The following EMC1 variants were observed in gnomAD, a reference collection of about 807,000 sequenced individuals.
EMC1 encodes ER membrane protein complex subunit 1, also known as KIAA0090.
Under a neutral mutation model 128.8 loss-of-function variants are expected in EMC1, and 103 were observed. The ratio of observed to expected loss-of-function variants is 0.80; its 90% CI spans 0.68 to 0.94. The LOEUF is 0.94. Ranked by LOEUF, EMC1 falls within the 40% of genes least tolerant of loss-of-function variation. The pLI is 0.00. For missense variants in EMC1, 1,083 were observed against 1,250.6 expected (o/e 0.87, Z 2.02); for synonymous variants, 442 against 490.4 (o/e 0.90, Z 1.30).
chr1:19,251,115 A>G, intron 1 of EMC1, among the ~76,000 whole-genome samples: 1 of 152,068 alleles, frequency 6.6e-6, no homozygotes, highest in East Asian at 1.9e-4. Flanking sequence ...AAAAAATCGA[A>G]CCTGACGAGG....
intron 16 of EMC1, 46 bp from the exon 17 acceptor site, chr1:19,231,009 C>T: frequency 6.2e-7 from 1 of 1,609,058 alleles, no homozygotes; most frequent in East Asian, 2.2e-5. Flanking sequence ...GAAATTTCCC[C>T]ATCAAAGAGA....
Position 19,219,598 on chromosome 1 carries a change from C to CTG in EMC1, c.2771_2772dup (p.Ala925GlnfsTer33). The CTG allele has an allele frequency of 1.9e-6, 3 of 1,614,124 alleles. No homozygotes were observed. On this transcript the variant is annotated frameshift_variant, in exon 22 of 23. Transcript: ENST00000477853. LOFTEE classifies it high-confidence loss of function. Reference sequence around the variant, plus strand: ...CAAGTGGACTCCAGACCCGAGGGAGCTGTGTAGATACCTCGCATTCGAGAA... The same window carrying CTG: ...CAAGTGGACTCCAGACCCGAGGGAGCTGTGTGTAGATACCTCGCATTCGAGAA...
chr1:19,243,551 T>C (rs2093617597), intron 4 of EMC1, 63 bp downstream of exon 4: 27 of 1,442,926 alleles, frequency 1.9e-5, no homozygotes, highest in Non-Finnish European at 2.6e-5. Flanking sequence ...TTGCTGTCTA[T>C]GCAGATCTGT....
intron 17 of EMC1, 138 bp downstream of exon 17, chr1:19,230,706 T>C: frequency 8.6e-7 from 1 of 1,166,618 alleles, no homozygotes; most frequent in South Asian, 1.5e-5. Flanking sequence ...AACAAATGAT[T>C]GACTTTGTAT....
intron 1 of EMC1, among the ~76,000 whole-genome samples, chr1:19,250,574 AGAG>A (rs1271690650): frequency 6.6e-6 from 1 of 152,246 alleles, no homozygotes; most frequent in Non-Finnish European, 1.5e-5. Flanking sequence ...AAAATACTTC[AGAG>A]GAGGAGAAAT....
Position 19,240,387 on chromosome 1 carries a change from C to G in EMC1, c.696G>C (p.Glu232Asp), listed in dbSNP as rs12084825. 9.3e-6 allele frequency: 15 copies of G among 1,614,126 alleles called. No individual in the cohort carries two copies. Among genetic ancestry groups the G allele is most frequent in the Non-Finnish European group, 1.3e-5 (15 of 1,180,010 alleles). ...TCGGGTCAGGACACACCAGGACAGCCTCATCCACCACACCACAGGCTCCAG... is the reference window on the plus strand; with the variant it reads ...TCGGGTCAGGACACACCAGGACAGCGTCATCCACCACACCACAGGCTCCAG... ...HLSGACGVVD[E>D]AVLVCPDPSS... is the part of the protein sequence containing the mutation. The change falls in exon 7 of 23, where the codon GAG becomes GAC. Residue 232 changes from glutamate to aspartate, a missense_variant. By Grantham distance (45) the Glu-to-Asp change is conservative. Transcript: ENST00000477853.
In EMC1 at chr1:19,218,859, G is replaced by T. The variant is rs1156316178; in HGVS notation, c.*444C>A. 1.2e-5 allele frequency: 2 copies of T among 170,356 alleles called. No homozygotes were observed. The highest frequency in any genetic ancestry group is 4.8e-5 in the African/African-American group (2 of 41,548). 10.6% of individuals were successfully genotyped at this position (170,356 alleles called of 1,614,324 possible). On this transcript the variant is annotated 3_prime_UTR_variant, in exon 23 of 23. Coordinates refer to ENST00000477853, the MANE Select transcript of EMC1 (RefSeq NM_015047.3). ...CTATAAGGTGGAGTCGGCAAGGAGAGTTCCCCTCTTACTTTGAAGCAAGAG... is the reference window on the plus strand; with the variant it reads ...CTATAAGGTGGAGTCGGCAAGGAGATTTCCCCTCTTACTTTGAAGCAAGAG...
chr1:19,225,497 T>G (rs2093465967), intron 18 of EMC1, among the ~76,000 whole-genome samples: 1 of 151,834 alleles, frequency 6.6e-6, no homozygotes, highest in South Asian at 2.1e-4. Context: ...AAATACAAAA[T>G]TTAGCTGGGC....
intron 10 of EMC1, 74 bp from the exon 11 acceptor site, chr1:19,238,213 T>C (rs1011612993): frequency 1.2e-4 from 186 of 1,566,812 alleles, no homozygotes; most frequent in South Asian, 4.7e-4. Flanking sequence ...AGTCCAAGGA[T>C]TGGGGGCAAA....
At chr1:19,237,972 C>T in intron 11 of EMC1, 45 bp downstream of exon 11, 1 of 1,601,550 alleles carries the variant, frequency 6.2e-7, no homozygotes, top group Non-Finnish European at 8.5e-7. Flanking sequence ...AAGCCATGTG[C>T]TGAGAAGCCC....
chr1:19,220,753 G>A lies in EMC1; in HGVS notation c.2672+11C>T, dbSNP rs1206019784. The A allele has an allele frequency of 1.2e-6, 2 of 1,608,724 alleles. No individual in the cohort carries two copies. Among genetic ancestry groups the A allele is most frequent in the Non-Finnish European group, 1.7e-6 (2 of 1,176,406 alleles). ...GGTCAGAGCCTTCAGCACTGCCCAT[G>A]AGGGTCTCACCTGCTTTGTTCTGTT... On this transcript the variant is annotated intron_variant, in intron 21 of 22. Transcript: ENST00000477853.
At chr1:19,222,477 C>T in intron 20 of EMC1, 147 bp downstream of exon 20, 2 of 670,328 alleles carry the variant, frequency 3.0e-6, no homozygotes, top group Non-Finnish European at 5.1e-6. Context: ...AACTAAGAAA[C>T]TTTTTCCACC....
In EMC1 at chr1:19,219,350, T is replaced by C. The variant is rs1311118503; in HGVS notation, c.2935A>G (p.Thr979Ala). The C allele has an allele frequency of 1.2e-6, 2 of 1,613,982 alleles. No homozygotes were observed. Among genetic ancestry groups the C allele is most frequent in the Non-Finnish European group, 1.7e-6 (2 of 1,180,042 alleles). Residue 979 changes from threonine to alanine, a missense_variant, in exon 23 of 23, where the codon ACT becomes GCT. This residue lies in a region of EMC1 where 527 missense variants were observed against 644.1 expected (regional missense o/e 0.82). Coordinates refer to ENST00000477853, the MANE Select transcript of EMC1 (RefSeq NM_015047.3). ...LFGLVFATMI[T>A]KRLAQVKLLN... ...AGCTTCACCTGTGCCAGTCTCTTAG[T>C]GATCATGGTGGCAAAAACCAGGCCA... is the stretch of plus-strand genomic sequence containing the variant.
intron 15 of EMC1, among the ~76,000 whole-genome samples, chr1:19,232,402 G>A (rs566526238): frequency 8.5e-5 from 13 of 152,318 alleles, no homozygotes; most frequent in African/African-American, 2.2e-4. Context: ...GAGGAGAGCT[G>A]GCTCCCTACA....
chr1:19,241,024 C>T lies in EMC1; in HGVS notation c.628G>A (p.Val210Ile). 6.2e-7 allele frequency: 1 copy of T among 1,614,156 alleles called. No homozygotes were observed. The highest frequency in any genetic ancestry group is 8.5e-7 in the Non-Finnish European group (1 of 1,180,012). Residue 210 changes from valine (V) to isoleucine (I), a missense_variant, in exon 6 of 23, where the codon GTT becomes ATT. Coordinates refer to ENST00000477853, the MANE Select transcript of EMC1 (RefSeq NM_015047.3). ...CTGTCACCCTCCTGTACCTGCTGAA[C>T]AATCTCTCCATCTTCCACATTAAAC... ...VKFNVEDGEI[V>I]QQVRVSTPWL...
At chr1:19,224,502 C>G (rs764765748) in intron 18 of EMC1, among the ~76,000 whole-genome samples, 12 of 152,172 alleles carry the variant, frequency 7.9e-5, no homozygotes, top group Non-Finnish European at 1.5e-4. Flanking sequence ...ATCCTTGACT[C>G]CTTTCTCTGT....
intron 2 of EMC1, among the ~76,000 whole-genome samples, 180 bp from the exon 3 acceptor site, chr1:19,244,195 G>T (rs1245789781): frequency 6.6e-6 from 1 of 152,018 alleles, no homozygotes; most frequent in Non-Finnish European, 1.5e-5. Context: ...GGTAGAAGGG[G>T]TTAAGAGGGG....
rs181054318 is a variant in EMC1 at position 19,227,724 on chromosome 1, C to T, written c.2065-274G>A. 1.9e-3 allele frequency among the ~76,000 whole-genome samples: 292 copies of T among 152,234 alleles called. 1 individual carries two copies. Among genetic ancestry groups the T allele is most frequent in the African/African-American group, 6.7e-3 (279 of 41,554 alleles). Reference sequence around the variant, plus strand: ...TCTACTAAACATACAAAAAATTAGCCAGATGTGGTGGCAGGCACCTATAAT... The same window carrying T: ...TCTACTAAACATACAAAAAATTAGCTAGATGTGGTGGCAGGCACCTATAAT... On this transcript the variant is annotated intron_variant, in intron 17 of 22. Transcript: ENST00000477853.
chr1:19,237,007 C>T, intron 12 of EMC1, 135 bp downstream of exon 12: 1 of 526,626 alleles, frequency 1.9e-6, no homozygotes, highest in Non-Finnish European at 3.5e-6. Context: ...TGACATTTGG[C>T]TATGAACGAA....
Sources: gnomAD v4.1 joint callset for allele counts (sites outside exome capture counted in the v4.1 genomes callset) on GRCh38, gnomAD v4.1.1 for gene constraint, gnomAD v4.1.1 regional missense constraint, MANE v1.5 for transcripts, NCBI Gene and HGNC (gene_info 2026-07-23, HGNC 2026-07-21) for gene names.